Variants in TDRD1 observed in about 807,000 individuals in gnomAD.
The protein encoded by TDRD1 is tudor domain containing 1, also known as tudor domain-containing protein 1.
In TDRD1, 37 loss-of-function variants were observed where a neutral mutation model predicts 140.6. That is an observed-to-expected ratio of 0.26 (90% CI 0.20 to 0.35). TDRD1 has a LOEUF of 0.35. Ranked by LOEUF, TDRD1 falls within the 10% of genes least tolerant of loss-of-function variation. TDRD1 has a pLI of 1.00. For synonymous variants in TDRD1, 506 were observed against 475.7 expected (o/e 1.06, Z -0.83); for missense variants, 1,243 against 1,393.0 (o/e 0.89, Z 1.71).
At chr10:114,191,897 T>C (rs889714908) in intron 3 of TDRD1, among the ~76,000 whole-genome samples, 3 of 152,220 alleles carry the variant, frequency 2.0e-5, no homozygotes, top group Non-Finnish European at 2.9e-5. Context: ...TAGGTATTTT[T>C]ATTCTACCCA....
intron 3 of TDRD1, among the ~76,000 whole-genome samples, 179 bp downstream of exon 3, chr10:114,191,198 A>G (rs1013865093): frequency 1.3e-5 from 2 of 152,248 alleles, no homozygotes; most frequent in Non-Finnish European, 2.9e-5. Context: ...ATGCAGTTGT[A>G]AGAAATAATG....
intron 22 of TDRD1, among the ~76,000 whole-genome samples, chr10:114,226,821 G>C (rs1317770126): frequency 6.6e-6 from 1 of 152,050 alleles, no homozygotes; most frequent in Non-Finnish European, 1.5e-5. Flanking sequence ...TTCTCCTGTT[G>C]GAATATATGA....
chr10:114,217,769 T>C (rs2035904317), intron 17 of TDRD1, 114 bp downstream of exon 17: 2 of 616,510 alleles, frequency 3.2e-6, no homozygotes, highest in Non-Finnish European at 5.8e-6. Context: ...TGGCCAAGAA[T>C]GAATGAATGC....
chr10:114,229,482 A>G (rs1274705051), intron 25 of TDRD1, among the ~76,000 whole-genome samples: 1 of 151,974 alleles, frequency 6.6e-6, no homozygotes, highest in Non-Finnish European at 1.5e-5. Flanking sequence ...TACAACTTTC[A>G]GTCCTTTCTA....
chr10:114,180,374 C>T (rs2032941080), intron 1 of TDRD1, among the ~76,000 whole-genome samples: 1 of 152,200 alleles, frequency 6.6e-6, no homozygotes, highest in Non-Finnish European at 1.5e-5. Flanking sequence ...CCCAAGATAG[C>T]GTGGCTAAAT....
chr10:114,184,111 G>A (rs2120030126), intron 1 of TDRD1, among the ~76,000 whole-genome samples: 1 of 151,822 alleles, frequency 6.6e-6, no homozygotes, highest in South Asian at 2.1e-4. Flanking sequence ...TCAGTAATGA[G>A]TGGCTTAATT....
chr10:114,214,841 G>A (rs1344544875), intron 16 of TDRD1, among the ~76,000 whole-genome samples: 3 of 151,650 alleles, frequency 2.0e-5, no homozygotes, highest in Non-Finnish European at 2.9e-5. Context: ...AGGTTCAAGC[G>A]ATTCTCCTGT....
exon 14 of TDRD1, chr10:114,211,901 T>C: frequency 6.3e-7 from 1 of 1,591,214 alleles, no homozygotes; most frequent in Non-Finnish European, 8.5e-7. Context: ...TGTTTTGGCT[T>C]ACGCTTCTGA....
rs374707042 is a variant in TDRD1, at chr10:114,204,034, G to C, written c.982-39G>C. 11 of 1,574,944 alleles carry C rather than the reference G, an allele frequency of 7.0e-6. No individual in the cohort carries two copies. The South Asian group carries it at 1.3e-4, about 19-fold the overall frequency. On this transcript the variant is annotated intron_variant, in intron 8 of 25. Coordinates refer to ENST00000251864, the Ensembl canonical transcript of TDRD1. Reference sequence around the variant, plus strand: ...GTTTTTTAATCTAAGATTGTGAAATGCTGTTATGAAGCAGAGTACCATTAT... The same window carrying C: ...GTTTTTTAATCTAAGATTGTGAAATCCTGTTATGAAGCAGAGTACCATTAT...
chr10:114,210,816 A>G, intron 12 of TDRD1, 44 bp from the exon 13 acceptor site: 1 of 1,612,768 alleles, frequency 6.2e-7, no homozygotes, highest in East Asian at 2.2e-5. Context: ...TGTAGAAATA[A>G]TGTATAGATA....
At chr10:114,225,890 A>T (rs146995007) in intron 21 of TDRD1, among the ~76,000 whole-genome samples, 159 bp from the exon 22 acceptor site, 2 of 152,210 alleles carry the variant, frequency 1.3e-5, no homozygotes, top group Non-Finnish European at 2.9e-5. Flanking sequence ...TACATTTTTC[A>T]TAGGAATGTA....
chr10:114,227,930 T>C (rs2036533717), exon 24 of TDRD1: 1 of 1,613,890 alleles, frequency 6.2e-7, no homozygotes, highest in East Asian at 2.2e-5. Flanking sequence ...TAGGATGAAT[T>C]GCTGCTGCAC....
exon 18 of TDRD1, chr10:114,218,542 T>C: frequency 1.2e-6 from 2 of 1,611,122 alleles, no homozygotes; most frequent in Non-Finnish European, 1.7e-6. Context: ...ATCATCAACA[T>C]TTTTAAACCT....
intron 11 of TDRD1, among the ~76,000 whole-genome samples, chr10:114,207,207 G>A (rs1818522673): frequency 6.6e-6 from 1 of 152,108 alleles, no homozygotes; most frequent in African/African-American, 2.4e-5. Flanking sequence ...ATAATTCATT[G>A]TCTCTTACTC....
chr10:114,219,072 T>G (rs192541633), intron 18 of TDRD1, among the ~76,000 whole-genome samples: 1 of 152,330 alleles, frequency 6.6e-6, no homozygotes. Flanking sequence ...TAGGACAGGG[T>G]CTGGCACTCA....
exon 26 of TDRD1, chr10:114,232,160 C>T (rs1309225511): frequency 6.6e-6 from 1 of 152,104 alleles, no homozygotes; most frequent in East Asian, 1.9e-4. Context: ...CAGAGTCTGA[C>T]CTCTGGACCA....
chr10:114,181,923 G>A (rs537706513), intron 1 of TDRD1, among the ~76,000 whole-genome samples: 8 of 151,832 alleles, frequency 5.3e-5, no homozygotes, highest in African/African-American at 1.2e-4. Context: ...CTATGCCTGC[G>A]TTACATTCAT....
intron 2 of TDRD1, among the ~76,000 whole-genome samples, chr10:114,188,860 CAAAAT>C (rs1237193155): frequency 4.6e-5 from 2 of 43,436 alleles, no homozygotes; most frequent in Admixed American, 2.5e-4. Flanking sequence ...TGTCTCAAAA[CAAAAT>C]AAAACAAAAT....
rs776472520 is a variant in TDRD1, at chr10:114,220,786, C to A, written c.2713C>A (p.Pro905Thr). ...ATCTGCTTCACCACATAAAGACTTA[C>A]CAAATGACAGACTTGTTAATAAACA... The change falls in exon 19 of 26, where the codon CCA becomes ACA. Residue 905 changes from proline to threonine, a missense_variant. Physicochemically the swap from Pro to Thr is conservative, Grantham distance 38. This residue lies in a region of TDRD1 where 601 missense variants were observed against 734.7 expected (regional missense o/e 0.82). Coordinates refer to ENST00000251864, the Ensembl canonical transcript of TDRD1. The A allele has an allele frequency of 1.3e-5, 21 of 1,611,372 alleles. No individual in the cohort carries two copies. In the East Asian group the frequency reaches 1.6e-4, roughly 12 times the overall value.
Sources: allele counts gnomAD v4.1 joint callset (sites outside exome capture counted in the v4.1 genomes callset), GRCh38; gene constraint gnomAD v4.1.1; regional missense constraint gnomAD v4.1.1; transcripts MANE v1.5; gene names NCBI Gene and HGNC (gene_info 2026-07-23, HGNC 2026-07-21).